Variants in ZRANB3 observed in about 807,000 individuals in gnomAD.
ZRANB3 encodes the protein zinc finger RANBP2-type containing 3.
A neutral mutation model predicts 133.8 loss-of-function variants in ZRANB3; 125 were observed. That is an observed-to-expected ratio of 0.93 (90% CI 0.81 to 1.08). The LOEUF (loss-of-function observed/expected upper bound fraction) is 1.08, where lower values mean the gene tolerates loss of function less well. Ranked by LOEUF, ZRANB3 falls within the 50% of genes least tolerant of loss-of-function variation. The probability of loss-of-function intolerance (pLI) is 0.00; values close to 1 mark genes in which losing one functional copy is unlikely to be tolerated. For missense variants in ZRANB3, 1,229 were observed against 1,275.5 expected (o/e 0.96, Z 0.56); for synonymous variants, 387 against 432.7 (o/e 0.89, Z 1.31).
chr2:135,419,232 T>C (rs1688730184), intron 2 of ZRANB3, among the ~76,000 whole-genome samples: 1 of 151,964 alleles, frequency 6.6e-6, no homozygotes, highest in Admixed American at 6.6e-5. Context: ...CCACCGCACC[T>C]AGGCTTTTTT....
At chr2:135,234,890 A>G (rs1178694613) in intron 12 of ZRANB3, among the ~76,000 whole-genome samples, 1 of 152,206 alleles carries the variant, frequency 6.6e-6, no homozygotes, top group Admixed American at 6.5e-5. Flanking sequence ...TAGAGAAGCA[A>G]GAGCAAACAC....
At chr2:135,328,974 G>T (rs1683991828) in intron 6 of ZRANB3, among the ~76,000 whole-genome samples, 1 of 151,980 alleles carries the variant, frequency 6.6e-6, no homozygotes, top group Non-Finnish European at 1.5e-5. Flanking sequence ...TTTTCAGATG[G>T]GTAAATTGCA....
intron 1 of ZRANB3, chr2:135,530,654 A>AC (rs1468951637): frequency 1.3e-5 from 2 of 152,034 alleles, no homozygotes; most frequent in East Asian, 1.9e-4. Context: ...ATAATTTAAA[A>AC]CCCCTATGGT....
At chr2:135,441,184 T>C (rs1198786707) in intron 2 of ZRANB3, among the ~76,000 whole-genome samples, 3 of 152,056 alleles carry the variant, frequency 2.0e-5, no homozygotes, top group Non-Finnish European at 4.4e-5. Context: ...TACATCAGGG[T>C]CAAACTGTTT....
intron 12 of ZRANB3, among the ~76,000 whole-genome samples, chr2:135,257,039 G>T (rs1679692185): frequency 6.6e-6 from 1 of 152,154 alleles, no homozygotes; most frequent in African/African-American, 2.4e-5. Context: ...CTAAAAAGGG[G>T]AGGAACCTTC....
chr2:135,441,601 A>G (rs187924423), intron 2 of ZRANB3, among the ~76,000 whole-genome samples: 1 of 152,008 alleles, frequency 6.6e-6, no homozygotes, highest in Non-Finnish European at 1.5e-5. Context: ...ATGAATAATT[A>G]TAACACTATA....
At chr2:135,221,738 G>A (rs549054577) in intron 15 of ZRANB3, among the ~76,000 whole-genome samples, 1 of 152,292 alleles carries the variant, frequency 6.6e-6, no homozygotes, top group East Asian at 1.9e-4. Context: ...CCTGCCTCAA[G>A]ATGAATAAAG....
intron 3 of ZRANB3, 68 bp downstream of exon 3, chr2:135,390,734 A>G: frequency 1.3e-6 from 2 of 1,546,270 alleles, no homozygotes; most frequent in Non-Finnish European, 1.7e-6. Flanking sequence ...GAGTACATGG[A>G]AAATAGCAGA....
intron 3 of ZRANB3, among the ~76,000 whole-genome samples, chr2:135,368,240 A>G (rs890550512): frequency 3.9e-4 from 59 of 151,212 alleles, no homozygotes; most frequent in African/African-American, 1.4e-3. Flanking sequence ...AAAGTTAATG[A>G]GAAGGTTATC....
intron 8 of ZRANB3, among the ~76,000 whole-genome samples, chr2:135,311,572 G>C (rs1573887214): frequency 6.7e-6 from 1 of 149,124 alleles, no homozygotes; most frequent in Non-Finnish European, 1.5e-5. Flanking sequence ...CCATTAATAG[G>C]TGAAAGAATA....
chr2:135,276,471 T>G (rs1039408798), intron 8 of ZRANB3, among the ~76,000 whole-genome samples: 1 of 152,018 alleles, frequency 6.6e-6, no homozygotes, highest in Non-Finnish European at 1.5e-5. Flanking sequence ...AAGTTCAGAT[T>G]AACAGGTAAC....
chr2:135,197,836 T>A lies in ZRANB3; in HGVS notation c.*2506A>T, dbSNP rs1284625907. 2.0e-5 allele frequency: 3 copies of A among 152,582 alleles called. No individual in the cohort carries two copies. The highest frequency in any genetic ancestry group is 4.4e-5 in the Non-Finnish European group (3 of 68,246). 9.5% of individuals were successfully genotyped at this position (152,582 alleles called of 1,614,324 possible). On this transcript the variant is annotated 3_prime_UTR_variant, in exon 21 of 21. Transcript: ENST00000264159. ...TGTTCCCTGGACCCAGAGCCTTTTT[T>A]CTTTTTTGAGATGGGGCCTTGCTGT... is the stretch of plus-strand genomic sequence containing the variant.
rs1461625955 is a variant in ZRANB3 at position 135,345,611 on chromosome 2, A to G, written c.616T>C (p.Phe206Leu). The change falls in exon 6 of 21, where the codon TTT (phenylalanine) becomes CTT (leucine). Residue 206 changes from phenylalanine to leucine, a missense_variant. Physicochemically the swap from Phe to Leu is conservative, Grantham distance 22. Coordinates refer to ENST00000264159, the MANE Select transcript of ZRANB3 (RefSeq NM_032143.4). The part of the protein sequence containing the change: ...EELFMQIEAL[F>L]PQKFGRWTDY... ...GTCCATCTTCCAAATTTTTGTGGAA[A>G]GAGAGCTTCAATCTGCATAAAAAGC... The G allele has an allele frequency of 1.9e-6, 3 of 1,612,218 alleles. No individual in the cohort carries two copies. Among genetic ancestry groups the G allele is most frequent in the African/African-American group, 1.3e-5 (1 of 74,924 alleles).
At chr2:135,352,606 A>G (rs1416823194) in intron 4 of ZRANB3, among the ~76,000 whole-genome samples, 1 of 152,210 alleles carries the variant, frequency 6.6e-6, no homozygotes, top group Non-Finnish European at 1.5e-5. Context: ...AAGGCCCTCC[A>G]TACATTTTGT....
chr2:135,369,598 A>C (rs1686080165), intron 3 of ZRANB3, among the ~76,000 whole-genome samples: 2 of 152,150 alleles, frequency 1.3e-5, no homozygotes, highest in African/African-American at 4.8e-5. Flanking sequence ...AAGCAATGCA[A>C]GTTTTTTACA....
At position 135,202,961 on chromosome 2, in the gene ZRANB3, T is replaced by C. The variant is rs1016012597; in HGVS notation, c.3012A>G (p.Leu1004=). Residue 1004 remains leucine (L), a splice_region_variant and synonymous_variant, in exon 20 of 21, where the codon CTA becomes CTG. Transcript: ENST00000264159. ...TWTSKLPLEQ[L]NEMIRNPGEG... ...CCCCTGGGTTTCTTATCATTTCATT[T>C]AGCTGCAATAAGAATACAAGATCAG... 6.2e-7 allele frequency: 1 copy of C among 1,611,844 alleles called. No individual in the cohort carries two copies. Among genetic ancestry groups the C allele is most frequent in the African/African-American group, 1.3e-5 (1 of 75,022 alleles).
At chr2:135,445,165 C>T (rs748198792) in intron 2 of ZRANB3, among the ~76,000 whole-genome samples, 8 of 152,156 alleles carry the variant, frequency 5.3e-5, no homozygotes, top group South Asian at 2.1e-4. Flanking sequence ...AAAAATAGGC[C>T]GGGCATGGTG....
At chr2:135,281,560 A>G (rs543406623) in intron 8 of ZRANB3, among the ~76,000 whole-genome samples, 7 of 152,264 alleles carry the variant, frequency 4.6e-5, no homozygotes, top group Admixed American at 3.3e-4. Context: ...GCTGCACTTG[A>G]TATCTGATAT....
chr2:135,233,576 C>T (rs1016136376), intron 12 of ZRANB3, among the ~76,000 whole-genome samples: 2 of 151,858 alleles, frequency 1.3e-5, no homozygotes, highest in Non-Finnish European at 2.9e-5. Context: ...GGAAGCCCAT[C>T]AGACTAACAG....
Sources: gnomAD v4.1 joint callset for allele counts (sites outside exome capture counted in the v4.1 genomes callset) on GRCh38, gnomAD v4.1.1 for gene constraint, MANE v1.5 for transcripts, NCBI Gene and HGNC (gene_info 2026-07-23, HGNC 2026-07-21) for gene names.